Variants in LIPA observed in about 807,000 individuals in gnomAD.
The protein encoded by LIPA is lysosomal acid lipase/cholesteryl ester hydrolase.
A neutral mutation model predicts 40.6 loss-of-function variants in LIPA; 26 were observed. That is an observed-to-expected ratio of 0.64 (90% confidence interval 0.47 to 0.89). The LOEUF (loss-of-function observed/expected upper bound fraction) is 0.89, where lower values mean the gene tolerates loss of function less well. LIPA is among the 40% of genes least tolerant of loss of function. LIPA has a pLI of 0.00. For synonymous variants in LIPA, 188 were observed against 168.4 expected, an observed-to-expected ratio of 1.12 and a Z score of -0.90; for missense variants, 455 against 479.6, an observed-to-expected ratio of 0.95 and a Z score of 0.48.
chr10:89,258,063 A>G lies in LIPA; in HGVS notation c.-1-10414T>C, dbSNP rs928599213. ...AAGACTATTGTCTCAGTATTGGAGCAAGATCAGCCCTAAGTTAAGGCTGCC... is the reference window on the plus strand; with the variant it reads ...AAGACTATTGTCTCAGTATTGGAGCGAGATCAGCCCTAAGTTAAGGCTGCC... On this transcript the variant is annotated intron_variant, in intron 1 of 5. Transcript: ENST00000282673. 6.6e-5 allele frequency among the ~76,000 whole-genome samples: 10 copies of G among 152,356 alleles called. No homozygotes were observed. The South Asian group carries it at 8.3e-4, about 13-fold the overall frequency.
chr10:89,231,593 G>A (rs148604217), intron 3 of LIPA, among the ~76,000 whole-genome samples: 1,591 of 152,042 alleles, frequency 0.01, 27 homozygotes, highest in African/African-American at 0.037. Context: ...CCCACCTCAG[G>A]CCCCTGAAGA....
chr10:89,321,772 A>T (rs142440473), intron 1 of LIPA, among the ~76,000 whole-genome samples: 4,196 of 152,350 alleles, frequency 0.028, 81 homozygotes, highest in Non-Finnish European at 0.043. Context: ...ATGTACACGT[A>T]TGTTTATTGC....
At chr10:89,351,190 C>G (rs1843956651) in intron 2 of LIPA, among the ~76,000 whole-genome samples, 1 of 152,152 alleles carries the variant, frequency 6.6e-6, no homozygotes, top group South Asian at 2.1e-4. Flanking sequence ...GTGGCACATG[C>G]CTGTAGTCCC....
rs183960878 is a variant in LIPA, at chr10:89,262,437, A to G, written c.-1-14788T>C. ...CTCTTTTCTTTGTCTCTCTGTACCT[A>G]CAGCCTAAGGCTCCTAAATGACAGC... is the stretch of plus-strand genomic sequence containing the variant. On this transcript the variant is annotated intron_variant, in intron 1 of 5. Transcript: ENST00000282673. Among the ~76,000 whole-genome samples the G allele has an allele frequency of 9.7e-4, 148 of 152,320 alleles. 1 individual carries two copies. Among genetic ancestry groups the G allele is most frequent in the African/African-American group, 3.5e-3 (146 of 41,570 alleles).
intron 1 of LIPA, among the ~76,000 whole-genome samples, chr10:89,259,239 A>G (rs1263662476): frequency 6.6e-6 from 1 of 152,214 alleles, no homozygotes; most frequent in Non-Finnish European, 1.5e-5. Context: ...CTGCTCCTTA[A>G]AAACTAAAAA....
chr10:89,239,704 C>G (rs1056868341), intron 3 of LIPA, among the ~76,000 whole-genome samples: 2 of 152,334 alleles, frequency 1.3e-5, no homozygotes, highest in Non-Finnish European at 2.9e-5. Context: ...CTGTCTTGTT[C>G]ACTGCAGAAC....
Position 89,222,591 on chromosome 10 carries a change from T to C in LIPA, c.823-9A>G, listed in dbSNP as rs1321717463. On this transcript the variant is annotated splice_polypyrimidine_tract_variant and intron_variant, in intron 7 of 9. Transcript: ENST00000336233. ...TATACATCCACTCTAGACTGCAAAA[T>C]AAATACATTGAAATGAAGAATGAAA... 2 of 1,518,628 alleles carry C rather than the reference T, an allele frequency of 1.3e-6. No homozygotes were observed. Among genetic ancestry groups the C allele is most frequent in the African/African-American group, 2.7e-5 (2 of 73,084 alleles). 94.1% of individuals were successfully genotyped at this position (1,518,628 alleles called of 1,614,324 possible). A position where few individuals can be genotyped will look rare whatever the true frequency, so the allele number is the denominator to read the frequency against.
At chr10:89,335,227 G>A (rs1258448076) in intron 1 of LIPA, 1 of 152,144 alleles carries the variant, frequency 6.6e-6, no homozygotes, top group African/African-American at 2.4e-5. Context: ...ATGAGTAGTT[G>A]ACTATCTTCC....
At chr10:89,315,445 GTC>G (rs1843536467) in intron 1 of LIPA, among the ~76,000 whole-genome samples, 1 of 152,158 alleles carries the variant, frequency 6.6e-6, no homozygotes, top group Non-Finnish European at 1.5e-5. Flanking sequence ...CTACACAAGA[GTC>G]TCTGCTTTGT....
chr10:89,225,467 T>C (rs1347155393), intron 5 of LIPA, among the ~76,000 whole-genome samples: 10 of 152,162 alleles, frequency 6.6e-5, no homozygotes, highest in Non-Finnish European at 1.2e-4. Context: ...AATCTCAACC[T>C]AGATAAGCAC....
At chr10:89,365,432 T>C (rs1254708095) in intron 2 of LIPA, among the ~76,000 whole-genome samples, 2 of 152,246 alleles carry the variant, frequency 1.3e-5, no homozygotes, top group Non-Finnish European at 2.9e-5. Context: ...TTTCTTTTGC[T>C]GTGCAGAAGC....
At chr10:89,286,666 G>T (rs956168380) in intron 1 of LIPA, among the ~76,000 whole-genome samples, 18 of 152,120 alleles carry the variant, frequency 1.2e-4, no homozygotes, top group Admixed American at 3.9e-4. Flanking sequence ...GACCCTGAAA[G>T]GTCAAAAGGC....
chr10:89,244,787 A>G (rs1237776526), intron 3 of LIPA, among the ~76,000 whole-genome samples: 1 of 152,222 alleles, frequency 6.6e-6, no homozygotes, highest in African/African-American at 2.4e-5. Context: ...TTTTTAAGCC[A>G]AAGCTACAAG....
intron 3 of LIPA, among the ~76,000 whole-genome samples, chr10:89,234,384 A>T (rs912507767): frequency 3.3e-5 from 5 of 152,252 alleles, no homozygotes; most frequent in Non-Finnish European, 4.4e-5. Context: ...AGAACAAAAA[A>T]GTCTCTTCTG....
intron 2 of LIPA, 123 bp from the exon 3 acceptor site, chr10:89,245,916 T>G (rs915281455): frequency 1.4e-6 from 1 of 734,652 alleles, no homozygotes; most frequent in Admixed American, 1.9e-5. Context: ...GTCATTGAAA[T>G]TTTAGTCTGC....
upstream of LIPA, among the ~76,000 whole-genome samples, chr10:89,255,035 T>C (rs545279993): frequency 6.1e-4 from 93 of 152,326 alleles, no homozygotes; most frequent in Admixed American, 1.0e-3. Flanking sequence ...CTTTCCCACG[T>C]CTTCCTGACT....
At chr10:89,287,360 A>G (rs1843346294) in intron 1 of LIPA, among the ~76,000 whole-genome samples, 1 of 152,060 alleles carries the variant, frequency 6.6e-6, no homozygotes, top group African/African-American at 2.4e-5. Flanking sequence ...AGGCTTCTAA[A>G]CCTCTTAAAA....
intron 1 of LIPA, among the ~76,000 whole-genome samples, chr10:89,248,561 G>A (rs1159706396): frequency 1.3e-5 from 2 of 150,188 alleles, no homozygotes; most frequent in Admixed American, 6.7e-5. Flanking sequence ...TGCAAGCTCC[G>A]CCTCCCAGGT....
chr10:89,336,682 A>G (rs1275003764), intron 1 of LIPA, among the ~76,000 whole-genome samples: 2 of 152,240 alleles, frequency 1.3e-5, no homozygotes. Flanking sequence ...ATCTTTTAAA[A>G]TAAAATATTG....
Sources: gnomAD v4.1 joint callset for allele counts (sites outside exome capture counted in the v4.1 genomes callset) on GRCh38, gnomAD v4.1.1 for gene constraint, MANE v1.5 for transcripts, NCBI Gene and HGNC (gene_info 2026-07-23, HGNC 2026-07-21) for gene names.